The following PRKCE variants were observed in gnomAD, a reference collection of about 807,000 sequenced individuals.
PRKCE encodes the protein protein kinase C epsilon.
In PRKCE, 16 loss-of-function variants were observed where a neutral mutation model predicts 85.4. That is an observed-to-expected ratio of 0.19 (90% CI 0.13 to 0.28). The LOEUF (loss-of-function observed/expected upper bound fraction) is 0.28. PRKCE is among the 10% of genes least tolerant of loss of function. The pLI, the probability that PRKCE is intolerant of heterozygous loss-of-function variation, is 1.00. For synonymous variants in PRKCE, 388 were observed against 371.5 expected (o/e 1.04, Z -0.51); for missense variants, 573 against 975.2 (o/e 0.59, Z 5.49).
chr2:46,007,531 CA>C lies in PRKCE; in HGVS notation c.1134del (p.Ala379HisfsTer8). 1 of 1,599,790 alleles carries C rather than the reference CA, an allele frequency of 6.3e-7. No individual in the cohort carries two copies. The highest frequency in any genetic ancestry group is 8.5e-7 in the Non-Finnish European group (1 of 1,179,962). ...SFDNRGEEHR[A>X]ASSPDGQLMS... is the part of the protein sequence containing the mutation. ...GACAACCGAGGAGAGGAGCACCGGG[CA>C]GCATCGTCTCCTGATGGCCAGCTGA... On this transcript the variant is annotated frameshift_variant, in exon 9 of 15. Coordinates refer to ENST00000306156, the MANE Select transcript of PRKCE (RefSeq NM_005400.3). LOFTEE classifies it high-confidence loss of function.
chr2:45,843,170 A>G, intron 2 of PRKCE, 107 bp downstream of exon 2: 1 of 975,744 alleles, frequency 1.0e-6, no homozygotes, highest in Non-Finnish European at 1.6e-6. Flanking sequence ...ACATTTAATT[A>G]ATTGGCATCC....
At chr2:45,878,161 G>T (rs1694615083) in intron 2 of PRKCE, among the ~76,000 whole-genome samples, 1 of 152,232 alleles carries the variant, frequency 6.6e-6, no homozygotes, top group Non-Finnish European at 1.5e-5. Flanking sequence ...TTGCCATGTG[G>T]CGAGCAGCAG....
At chr2:45,974,923 C>A (rs1702344686) in intron 2 of PRKCE, among the ~76,000 whole-genome samples, 1 of 152,102 alleles carries the variant, frequency 6.6e-6, no homozygotes. Context: ...CAAAGCCTGC[C>A]CACTGTGTTC....
At chr2:45,675,396 G>T (rs770371831) in intron 1 of PRKCE, 3 of 152,170 alleles carry the variant, frequency 2.0e-5, no homozygotes, top group Admixed American at 6.5e-5. Flanking sequence ...AGCAGTGAGG[G>T]CACTTGTGAC....
intron 1 of PRKCE, among the ~76,000 whole-genome samples, chr2:45,745,183 G>A (rs1408394850): frequency 6.6e-6 from 1 of 152,150 alleles, no homozygotes; most frequent in Non-Finnish European, 1.5e-5. Flanking sequence ...TGCGGGTCCT[G>A]CAAACCATTC....
intron 2 of PRKCE, among the ~76,000 whole-genome samples, chr2:45,892,487 G>A (rs1381801112): frequency 1.3e-5 from 2 of 152,122 alleles, no homozygotes; most frequent in African/African-American, 4.8e-5. Context: ...TTGACAAGCT[G>A]AGGACTTGAG....
chr2:45,887,560 C>T (rs1695393855), intron 2 of PRKCE, among the ~76,000 whole-genome samples: 1 of 152,144 alleles, frequency 6.6e-6, no homozygotes, highest in Admixed American at 6.5e-5. Flanking sequence ...AAGCTGTTGC[C>T]ACTCCTACAG....
chr2:45,742,313 T>A (rs1682646452), intron 1 of PRKCE, among the ~76,000 whole-genome samples: 1 of 151,994 alleles, frequency 6.6e-6, no homozygotes, highest in Non-Finnish European at 1.5e-5. Context: ...CTTGCACCTA[T>A]AATTCCAGCT....
At chr2:45,824,278 C>A (rs1466987654) in intron 1 of PRKCE, among the ~76,000 whole-genome samples, 1 of 152,208 alleles carries the variant, frequency 6.6e-6, no homozygotes, top group African/African-American at 2.4e-5. Flanking sequence ...GAAGTCAGGG[C>A]AAACATCTTT....
At chr2:45,715,589 C>T (rs1259632588) in intron 1 of PRKCE, among the ~76,000 whole-genome samples, 2 of 152,158 alleles carry the variant, frequency 1.3e-5, no homozygotes, top group Non-Finnish European at 2.9e-5. Flanking sequence ...TTGGCTTCTT[C>T]TGAAATTTTC....
At chr2:45,667,892 G>C (rs990446480) in intron 1 of PRKCE, among the ~76,000 whole-genome samples, 6 of 152,224 alleles carry the variant, frequency 3.9e-5, no homozygotes, top group Middle Eastern at 3.4e-3. Context: ...CAGGGAGATG[G>C]ATTCTAATCC....
In PRKCE at chr2:46,159,549, T is replaced by A; in HGVS notation, c.1921-57T>A. Reference sequence around the variant, plus strand: ...TTGGCTGACCTCCATCTGTCCCTTATAGCCTGTGCTGGCCAGGCCTTTGTC... The same window carrying A: ...TTGGCTGACCTCCATCTGTCCCTTAAAGCCTGTGCTGGCCAGGCCTTTGTC... On this transcript the variant is annotated intron_variant, in intron 13 of 14. Coordinates refer to ENST00000306156, the MANE Select transcript of PRKCE (RefSeq NM_005400.3). The surrounding 1 kb of genome is among the most constrained non-coding windows in gnomAD (Gnocchi z 4.1). The A allele has an allele frequency of 6.6e-7, 1 of 1,526,402 alleles. No homozygotes were observed. The highest frequency in any genetic ancestry group is 1.3e-5 in the South Asian group (1 of 78,878). 94.6% of individuals were successfully genotyped at this position (1,526,402 alleles called of 1,614,324 possible). A position where few individuals can be genotyped will look rare whatever the true frequency, so the allele number is the denominator to read the frequency against.
intron 2 of PRKCE, among the ~76,000 whole-genome samples, chr2:45,949,867 G>A (rs528136200): frequency 3.5e-5 from 5 of 143,614 alleles, no homozygotes; most frequent in South Asian, 2.3e-4. Flanking sequence ...ATTTGATAGC[G>A]AAGCCTTCAT....
At chr2:45,993,062 G>A (rs540158052) in intron 6 of PRKCE, among the ~76,000 whole-genome samples, 2 of 152,126 alleles carry the variant, frequency 1.3e-5, no homozygotes, top group African/African-American at 4.8e-5. Flanking sequence ...ATTCTGGAAA[G>A]AGAAGCCTTA....
intron 1 of PRKCE, chr2:45,675,941 T>C (rs985615812): frequency 6.6e-6 from 1 of 152,182 alleles, no homozygotes; most frequent in South Asian, 2.1e-4. Flanking sequence ...TTTTCAATAG[T>C]TGCTGCCTCC....
intron 1 of PRKCE, chr2:45,675,562 T>C (rs1318217086): frequency 1.3e-5 from 2 of 152,234 alleles, no homozygotes; most frequent in African/African-American, 4.8e-5. Context: ...TGACGAGTTT[T>C]AAGGTCCATG....
chr2:45,861,321 T>C (rs1693144720), intron 2 of PRKCE, among the ~76,000 whole-genome samples: 2 of 152,144 alleles, frequency 1.3e-5, no homozygotes, highest in Non-Finnish European at 2.9e-5. Flanking sequence ...ATGCATGTAG[T>C]TTATAACACA....
intron 1 of PRKCE, among the ~76,000 whole-genome samples, chr2:45,689,517 T>G (rs561555044): frequency 6.6e-6 from 1 of 150,754 alleles, no homozygotes; most frequent in South Asian, 2.1e-4. Context: ...TGTTTTTATA[T>G]ATTTTATATA....
chr2:46,171,189 C>G (rs1678857801), intron 14 of PRKCE, among the ~76,000 whole-genome samples: 1 of 152,138 alleles, frequency 6.6e-6, no homozygotes, highest in African/African-American at 2.4e-5. Flanking sequence ...AGCTCAGGCC[C>G]CAGGCAAGCC....
Sources: gnomAD v4.1 joint callset for allele counts (sites outside exome capture counted in the v4.1 genomes callset) on GRCh38, gnomAD v4.1.1 for gene constraint, Gnocchi (gnomAD v3.1) non-coding constraint, MANE v1.5 for transcripts, NCBI Gene and HGNC (gene_info 2026-07-23, HGNC 2026-07-21) for gene names.